The following PRIM2 variants were observed in gnomAD, a reference collection of about 807,000 sequenced individuals.
The protein encoded by PRIM2 is DNA primase large subunit.
PRIM2 carries 39 observed loss-of-function variants against 67.3 expected under a neutral mutation model. The observed-to-expected ratio is 0.58, with a 90% CI of 0.45 to 0.76. The LOEUF is 0.76. Among genes scored for constraint, PRIM2 ranks in the 30% least tolerant of loss-of-function variants. The pLI is 0.00. For synonymous variants in PRIM2, 143 were observed against 198.7 expected, an observed-to-expected ratio of 0.72 and a Z score of 2.36; for missense variants, 398 against 598.7, an observed-to-expected ratio of 0.66 and a Z score of 3.50.
At chr6:57,454,487 A>G (rs1261647242) in intron 7 of PRIM2, among the ~76,000 whole-genome samples, 1 of 152,126 alleles carries the variant, frequency 6.6e-6, no homozygotes, top group African/African-American at 2.4e-5. Context: ...GTCTATTCAG[A>G]GATTCAACTT....
the PRIM2 span, among the ~76,000 whole-genome samples, chr6:57,276,983 GAGAGGAGGAAGAGGA>G: frequency 1.3e-5 from 2 of 151,990 alleles, no homozygotes; most frequent in African/African-American, 4.8e-5. Flanking sequence ...TAAGAAAAAG[GAGAGGAGGAAGAGGA>G]AGAGGAGAAG....
chr6:57,517,533 T>C (rs1215230420), intron 8 of PRIM2, among the ~76,000 whole-genome samples: 5 of 152,186 alleles, frequency 3.3e-5, no homozygotes, highest in Non-Finnish European at 7.3e-5. Context: ...TTTTATTTAA[T>C]TTTAATTAAT....
intron 2 of PRIM2, among the ~76,000 whole-genome samples, chr6:57,319,407 A>C (rs1767578576): frequency 6.6e-6 from 1 of 152,248 alleles, no homozygotes. Flanking sequence ...AGATACTGTT[A>C]ATCATTCTTA....
intron 7 of PRIM2, among the ~76,000 whole-genome samples, chr6:57,461,084 A>G (rs1346387948): frequency 2.0e-5 from 3 of 152,234 alleles, no homozygotes; most frequent in Non-Finnish European, 2.9e-5. Flanking sequence ...TAGTTAAGCA[A>G]TGTGGAGATG....
At chr6:57,292,742 G>T in the PRIM2 span, among the ~76,000 whole-genome samples, 1 of 152,128 alleles carries the variant, frequency 6.6e-6, no homozygotes, top group Non-Finnish European at 1.5e-5. Context: ...ATGGGGAAAG[G>T]GTTCCCTATT....
At chr6:57,374,528 G>A (rs1484845402) in intron 5 of PRIM2, among the ~76,000 whole-genome samples, 5 of 151,008 alleles carry the variant, frequency 3.3e-5, no homozygotes, top group African/African-American at 9.7e-5. Flanking sequence ...TCCTGACCTC[G>A]TGATCCGCCC....
At chr6:57,514,314 G>A (rs1774435505) in intron 8 of PRIM2, among the ~76,000 whole-genome samples, 1 of 152,154 alleles carries the variant, frequency 6.6e-6, no homozygotes, top group Non-Finnish European at 1.5e-5. Flanking sequence ...TTTTGAATTA[G>A]TTCTGATTTT....
At chr6:57,309,114 T>C in the PRIM2 span, among the ~76,000 whole-genome samples, 1 of 151,982 alleles carries the variant, frequency 6.6e-6, no homozygotes, top group East Asian at 1.9e-4. Context: ...CCCTGGGTAC[T>C]TGAGATTAGG....
At chr6:57,380,366 C>A (rs1297265717) in intron 6 of PRIM2, among the ~76,000 whole-genome samples, 4 of 152,198 alleles carry the variant, frequency 2.6e-5, no homozygotes, top group Non-Finnish European at 5.9e-5. Flanking sequence ...AGCCCCCTTT[C>A]GCTTCTCTTG....
chr6:57,580,928 A>C (rs1468219196), intron 10 of PRIM2, among the ~76,000 whole-genome samples: 1 of 151,820 alleles, frequency 6.6e-6, no homozygotes, highest in Non-Finnish European at 1.5e-5. Flanking sequence ...TGGCCAGATA[A>C]TGAGTTCTAG....
intron 7 of PRIM2, among the ~76,000 whole-genome samples, chr6:57,474,203 T>A (rs1331004807): frequency 4.7e-4 from 5 of 10,652 alleles, no homozygotes; most frequent in Non-Finnish European, 7.5e-4. Flanking sequence ...TTTTTTTTTT[T>A]GAGCTCTGTC....
At chr6:57,424,655 C>T (rs1331063156) in intron 7 of PRIM2, among the ~76,000 whole-genome samples, 3 of 152,178 alleles carry the variant, frequency 2.0e-5, no homozygotes, top group African/African-American at 7.2e-5. Flanking sequence ...CAATACTGGT[C>T]TGTAATTTAA....
Position 57,345,463 on chromosome 6 carries a change from G to GATATAT in PRIM2, c.459+19425_459+19430dup, listed in dbSNP as rs777341431. Among the ~76,000 whole-genome samples the GATATAT allele has an allele frequency of 7.6e-3, 808 of 106,934 alleles. 2 individuals carry two copies. Among genetic ancestry groups the GATATAT allele is most frequent in the Non-Finnish European group, 0.011 (546 of 51,324 alleles). 70.2% of individuals were successfully genotyped at this position (106,934 alleles called of 152,430 possible). ...TCTACAGGCGTGAGCCACCATGCCT[G>GATATAT]ATATATATATATGTGTGTGTGTGTG... On this transcript the variant is annotated intron_variant, in intron 5 of 13. Coordinates refer to ENST00000615550, the MANE Select transcript of PRIM2 (RefSeq NM_000947.5).
At chr6:57,373,129 T>A (rs1425085868) in intron 5 of PRIM2, among the ~76,000 whole-genome samples, 1 of 152,084 alleles carries the variant, frequency 6.6e-6, no homozygotes, top group Non-Finnish European at 1.5e-5. Context: ...CATCTGTTGT[T>A]TTTTGACTTT....
intron 5 of PRIM2, among the ~76,000 whole-genome samples, chr6:57,374,061 G>A (rs1375264675): frequency 6.6e-6 from 1 of 151,974 alleles, no homozygotes; most frequent in Non-Finnish European, 1.5e-5. Context: ...TCATGATACT[G>A]ATTCTTTCTA....
chr6:57,423,226 A>G (rs545712932), intron 7 of PRIM2, among the ~76,000 whole-genome samples: 148 of 152,222 alleles, frequency 9.7e-4, no homozygotes, highest in African/African-American at 3.5e-3. Context: ...TTCTTTAATC[A>G]GAGAAGTTCC....
intron 10 of PRIM2, among the ~76,000 whole-genome samples, chr6:57,577,212 C>G (rs1420178387): frequency 6.6e-6 from 1 of 152,106 alleles, no homozygotes; most frequent in Non-Finnish European, 1.5e-5. Context: ...TGCAGATCCT[C>G]ATAACATGGT....
At chr6:57,519,426 C>T (rs1221190347) in intron 8 of PRIM2, among the ~76,000 whole-genome samples, 5 of 152,334 alleles carry the variant, frequency 3.3e-5, no homozygotes, top group Admixed American at 1.3e-4. Flanking sequence ...TAGGCCTACC[C>T]GCAGGCACGC....
intron 10 of PRIM2, among the ~76,000 whole-genome samples, chr6:57,580,313 A>G (rs1776057935): frequency 6.6e-6 from 1 of 152,250 alleles, no homozygotes; most frequent in Admixed American, 6.5e-5. Flanking sequence ...TAGTTTTACT[A>G]GGTTATGAGT....
Sources: gnomAD v4.1 joint callset for allele counts (sites outside exome capture counted in the v4.1 genomes callset) on GRCh38, gnomAD v4.1.1 for gene constraint, MANE v1.5 for transcripts, NCBI Gene and HGNC (gene_info 2026-07-23, HGNC 2026-07-21) for gene names.